SPAG17: variants seen among roughly 807,000 people sequenced by gnomAD.
SPAG17 encodes sperm-associated antigen 17.
SPAG17 carries 169 observed loss-of-function variants against 273.6 expected under a neutral mutation model. The ratio of observed to expected loss-of-function variants is 0.62; its 90% CI spans 0.55 to 0.70. The LOEUF is 0.70. Ranked by LOEUF, SPAG17 falls within the 30% of genes least tolerant of loss-of-function variation. SPAG17 has a pLI of 0.00. For synonymous variants in SPAG17, 825 were observed against 873.2 expected (o/e 0.94, Z 0.97); for missense variants, 2,557 against 2,627.8 (o/e 0.97, Z 0.59).
chr1:117,970,580 G>A (rs958455274), intron 45 of SPAG17, among the ~76,000 whole-genome samples: 3 of 152,196 alleles, frequency 2.0e-5, no homozygotes, highest in African/African-American at 7.2e-5. Flanking sequence ...GAAAGGCTCA[G>A]AAGATGTCGA....
intron 32 of SPAG17, 51 bp from the exon 33 acceptor site, chr1:117,996,794 TA>T: frequency 6.6e-7 from 1 of 1,514,838 alleles, no homozygotes. Flanking sequence ...TCATAATGCT[TA>T]AACTTCTGCT....
intron 26 of SPAG17, among the ~76,000 whole-genome samples, chr1:118,027,397 T>TGATA (rs545132804): frequency 7.2e-4 from 109 of 152,344 alleles, no homozygotes; most frequent in African/African-American, 2.4e-3. Flanking sequence ...CGTTTTTCTT[T>TGATA]GATACACTTT....
At chr1:118,152,068 C>G (rs767934245) in intron 1 of SPAG17, among the ~76,000 whole-genome samples, 8 of 152,154 alleles carry the variant, frequency 5.3e-5, no homozygotes, top group Non-Finnish European at 8.8e-5. Flanking sequence ...CCTCACATTA[C>G]CAACTGTGAG....
intron 1 of SPAG17, among the ~76,000 whole-genome samples, chr1:118,157,530 C>A (rs1659714072): frequency 6.6e-6 from 1 of 152,134 alleles, no homozygotes; most frequent in Non-Finnish European, 1.5e-5. Context: ...TCCCTACTTC[C>A]CCACTCAGGC....
intron 10 of SPAG17, among the ~76,000 whole-genome samples, chr1:118,089,446 A>C (rs773592243): frequency 8.7e-4 from 132 of 152,076 alleles, no homozygotes; most frequent in Non-Finnish European, 1.5e-3. Flanking sequence ...TATTTCACAC[A>C]GAATGTGACT....
chr1:118,002,882 T>C (rs1252918690), intron 32 of SPAG17, among the ~76,000 whole-genome samples: 1 of 152,224 alleles, frequency 6.6e-6, no homozygotes, highest in Non-Finnish European at 1.5e-5. Context: ...TGTTAGCTGG[T>C]TATTTTGCCC....
At chr1:118,171,725 T>C (rs1451951292) in intron 1 of SPAG17, among the ~76,000 whole-genome samples, 4 of 152,206 alleles carry the variant, frequency 2.6e-5, no homozygotes, top group Non-Finnish European at 5.9e-5. Context: ...TCCTTTACTC[T>C]AATAATATCT....
At chr1:117,979,636 G>A (rs911032063) in intron 43 of SPAG17, among the ~76,000 whole-genome samples, 8 of 152,108 alleles carry the variant, frequency 5.3e-5, no homozygotes, top group East Asian at 1.9e-4. Context: ...TTCCGCTGAC[G>A]TTTGAATAAA....
At chr1:118,019,033 C>CAAAAAAAAAAAAAAAAAAA (rs10629525) in intron 28 of SPAG17, among the ~76,000 whole-genome samples, 1 of 95,910 alleles carries the variant, frequency 1.0e-5, no homozygotes, top group African/African-American at 4.0e-5. Flanking sequence ...GACCATGTCT[C>CAAAAAAAAAAAAAAAAAAA]AAAAAAAAAA....
intron 43 of SPAG17, 119 bp downstream of exon 43, chr1:117,981,151 G>A (rs887037624): frequency 7.4e-6 from 8 of 1,076,144 alleles, no homozygotes; most frequent in South Asian, 4.0e-5. Flanking sequence ...TCCAGGATCC[G>A]TGACCCTCTC....
At chr1:118,040,673 T>C (rs1199364866) in intron 22 of SPAG17, 57 bp downstream of exon 22, 7 of 1,194,466 alleles carry the variant, frequency 5.9e-6, no homozygotes, top group African/African-American at 1.5e-5. Flanking sequence ...GGGCCCCTGG[T>C]TATCTGAAAT....
At chr1:118,023,911 T>C (rs763439229) in intron 27 of SPAG17, among the ~76,000 whole-genome samples, 5 of 152,274 alleles carry the variant, frequency 3.3e-5, no homozygotes, top group Non-Finnish European at 7.4e-5. Context: ...ACCACAGATA[T>C]GTCTACCTGC....
intron 3 of SPAG17, among the ~76,000 whole-genome samples, chr1:118,126,034 T>A (rs1192880629): frequency 8.7e-6 from 1 of 114,640 alleles, no homozygotes; most frequent in Non-Finnish European, 1.8e-5. Context: ...CCAGCCTCTG[T>A]TATTTTCTGT....
intron 28 of SPAG17, among the ~76,000 whole-genome samples, chr1:118,017,159 T>A (rs1348693290): frequency 6.6e-6 from 1 of 152,190 alleles, no homozygotes; most frequent in Non-Finnish European, 1.5e-5. Flanking sequence ...TTGGACATAT[T>A]TATACTTCTA....
chr1:118,114,249 A>G (rs989392781), intron 4 of SPAG17, among the ~76,000 whole-genome samples: 1 of 152,196 alleles, frequency 6.6e-6, no homozygotes, highest in Non-Finnish European at 1.5e-5. Context: ...TGTACTATCA[A>G]TTATGTTAAT....
intron 17 of SPAG17, among the ~76,000 whole-genome samples, chr1:118,067,548 A>G (rs1357580185): frequency 6.6e-6 from 1 of 152,238 alleles, no homozygotes; most frequent in Admixed American, 6.5e-5. Flanking sequence ...AGTCCTCAAC[A>G]AAACTCAACC....
At chr1:118,087,263 GT>G in intron 10 of SPAG17, 1 of 302,726 alleles carries the variant, frequency 3.3e-6, no homozygotes, top group East Asian at 5.7e-5. Context: ...GTAACAATAA[GT>G]TTTTGATAAA....
At chr1:118,004,365 G>A (rs899903135) in intron 32 of SPAG17, among the ~76,000 whole-genome samples, 10 of 152,224 alleles carry the variant, frequency 6.6e-5, no homozygotes, top group Non-Finnish European at 1.3e-4. Context: ...GGACAAGGAT[G>A]TTTAAGTCTG....
At chr1:117,959,126 G>GT in intron 48 of SPAG17, 1 of 1,299,200 alleles carries the variant, frequency 7.7e-7, no homozygotes, top group Non-Finnish European at 1.1e-6. Context: ...ATTTGAGATA[G>GT]TTTTTGTTAG....
Sources: allele counts gnomAD v4.1 joint callset (sites outside exome capture counted in the v4.1 genomes callset), GRCh38; gene constraint gnomAD v4.1.1; transcripts MANE v1.5; gene names NCBI Gene and HGNC (gene_info 2026-07-23, HGNC 2026-07-21).